ASIC2: variants seen among roughly 807,000 people sequenced by gnomAD.
The protein encoded by ASIC2 is acid-sensing ion channel 2.
Under a neutral mutation model 57.3 loss-of-function variants are expected in ASIC2, and 25 were observed. The ratio of observed to expected loss-of-function variants is 0.44; its 90% CI spans 0.32 to 0.61. ASIC2 has a LOEUF of 0.61. Among genes scored for constraint, ASIC2 ranks in the 20% least tolerant of loss-of-function variants. The probability of loss-of-function intolerance (pLI) is 0.06; values close to 1 mark genes in which losing one functional copy is unlikely to be tolerated. For missense variants in ASIC2, 641 were observed against 738.1 expected, an observed-to-expected ratio of 0.87 and a Z score of 1.52; for synonymous variants, 319 against 307.5, an observed-to-expected ratio of 1.04 and a Z score of -0.39.
chr17:33,129,309 A>G (rs947233591), intron 1 of ASIC2, among the ~76,000 whole-genome samples: 5 of 152,216 alleles, frequency 3.3e-5, no homozygotes, highest in African/African-American at 1.2e-4. Flanking sequence ...ATTAATGTTG[A>G]CAGTCAATTC....
intron 1 of ASIC2, chr17:33,834,525 G>T (rs780037053): frequency 6.6e-6 from 1 of 152,182 alleles, no homozygotes; most frequent in Admixed American, 6.6e-5. Flanking sequence ...CAGTGGCAGA[G>T]TTGTAAAGGG....
intron 1 of ASIC2, chr17:34,003,525 AC>A (rs1464924757): frequency 6.6e-6 from 1 of 152,170 alleles, no homozygotes; most frequent in Non-Finnish European, 1.5e-5. Context: ...AGTCTTCATC[AC>A]CATCATTAAC....
chr17:33,832,197 C>A (rs746968594), intron 1 of ASIC2, among the ~76,000 whole-genome samples: 9 of 152,132 alleles, frequency 5.9e-5, no homozygotes, highest in Non-Finnish European at 1.0e-4. Context: ...GTAGAAATAA[C>A]GTAGTTAAGT....
rs375991322 is a variant in ASIC2, at chr17:33,212,691, T to A, written c.708+78717A>T. On this transcript the variant is annotated intron_variant, in intron 1 of 9. Coordinates refer to ENST00000225823, the MANE Select transcript of ASIC2 (RefSeq NM_183377.2). ...AGGGCAAGAAAGGAATGGGCTGGCC[T>A]GCAGGTGTCCTTGGCTCTCTCTAAG... Among the ~76,000 whole-genome samples the A allele has an allele frequency of 1.8e-4, 27 of 152,336 alleles. No homozygotes were observed. In the South Asian group the frequency reaches 4.8e-3, roughly 27 times the overall value.
intron 1 of ASIC2, among the ~76,000 whole-genome samples, chr17:33,724,217 C>T (rs1192137018): frequency 1.3e-5 from 2 of 152,186 alleles, no homozygotes; most frequent in Non-Finnish European, 1.5e-5. Flanking sequence ...ATTACGAGGC[C>T]TCCCCAGCCA....
chr17:33,906,716 C>T (rs1279703333), intron 1 of ASIC2, among the ~76,000 whole-genome samples: 2 of 152,234 alleles, frequency 1.3e-5, no homozygotes, highest in Admixed American at 1.3e-4. Context: ...TCTTATAGGA[C>T]TCTCTACATT....
intron 1 of ASIC2, among the ~76,000 whole-genome samples, chr17:33,522,072 C>G (rs1407480854): frequency 1.3e-5 from 2 of 152,178 alleles, no homozygotes; most frequent in Non-Finnish European, 2.9e-5. Flanking sequence ...AGAGGAGCAT[C>G]CTGTCAGGAA....
intron 2 of ASIC2, among the ~76,000 whole-genome samples, chr17:33,090,751 T>C (rs1211454070): frequency 6.6e-6 from 1 of 152,000 alleles, no homozygotes; most frequent in Non-Finnish European, 1.5e-5. Context: ...GTGGGGGCTA[T>C]TGACTGAGGT....
intron 1 of ASIC2, among the ~76,000 whole-genome samples, chr17:33,372,391 A>G (rs1159036877): frequency 6.6e-6 from 1 of 152,080 alleles, no homozygotes; most frequent in Non-Finnish European, 1.5e-5. Context: ...CACCTAGGAC[A>G]TAGGATCAAA....
chr17:33,374,590 C>G (rs564714031), intron 1 of ASIC2, among the ~76,000 whole-genome samples: 7 of 152,322 alleles, frequency 4.6e-5, no homozygotes, highest in South Asian at 2.1e-4. Context: ...TAAACTCTTT[C>G]TTTACTGCAA....
chr17:33,746,927 A>G (rs1333467262), intron 1 of ASIC2, among the ~76,000 whole-genome samples: 1 of 152,220 alleles, frequency 6.6e-6, no homozygotes, highest in African/African-American at 2.4e-5. Context: ...AAAGTAAGCA[A>G]TACTCTACTG....
intron 1 of ASIC2, among the ~76,000 whole-genome samples, chr17:33,774,126 C>T (rs540762801): frequency 6.6e-6 from 1 of 152,322 alleles, no homozygotes; most frequent in Admixed American, 6.5e-5. Flanking sequence ...GGCTCTCTGG[C>T]TCCCAAGCTC....
rs578011787 is a variant in ASIC2 at position 33,524,935 on chromosome 17, GGGAGCCCAGCA to G, written c.556-412879_556-412869del. Among the ~76,000 whole-genome samples, 61 of 152,262 alleles carry G rather than the reference GGGAGCCCAGCA, an allele frequency of 4.0e-4. 1 individual carries two copies. The highest frequency in any genetic ancestry group is 1.3e-3 in the African/African-American group (53 of 41,540). ...CAGCTGAGAGTGTAGACAGTGCCTA[GGGAGCCCAGCA>G]GCTCCCTTGGGAATGTGATTCCAGG... On this transcript the variant is annotated intron_variant, in intron 1 of 9. Coordinates refer to the ASIC2 transcript ENST00000359872.
chr17:33,024,302 C>T (rs181143996), intron 5 of ASIC2, among the ~76,000 whole-genome samples: 46 of 152,304 alleles, frequency 3.0e-4, no homozygotes, highest in Admixed American at 2.5e-3. Context: ...CTTCTCATGG[C>T]TTTCTTCCCT....
At chr17:33,468,626 C>T (rs946321367) in intron 1 of ASIC2, among the ~76,000 whole-genome samples, 1 of 151,860 alleles carries the variant, frequency 6.6e-6, no homozygotes, top group Non-Finnish European at 1.5e-5. Context: ...ATTTAATCCT[C>T]ACCACAACTT....
intron 1 of ASIC2, among the ~76,000 whole-genome samples, chr17:33,690,336 A>G (rs1401474083): frequency 1.3e-5 from 2 of 152,192 alleles, no homozygotes; most frequent in African/African-American, 4.8e-5. Context: ...TTGAAGCTAG[A>G]ATTTCCAAGT....
chr17:33,052,985 G>C (rs1291057796), intron 3 of ASIC2: 1 of 152,178 alleles, frequency 6.6e-6, no homozygotes, highest in African/African-American at 2.4e-5. Context: ...CAGGAGGACA[G>C]AGACACCAGT....
chr17:33,501,120 G>T (rs1408257932), intron 1 of ASIC2, among the ~76,000 whole-genome samples: 1 of 152,252 alleles, frequency 6.6e-6, no homozygotes. Context: ...CACAGTCCCA[G>T]TGGGCCTTGT....
rs527494998 is a variant in ASIC2 at position 33,674,309 on chromosome 17, ATT to A, written c.555+481667_555+481668del. Among the ~76,000 whole-genome samples the A allele has an allele frequency of 3.9e-3, 595 of 152,164 alleles. 9 individuals carry two copies. The highest frequency in any genetic ancestry group is 0.014 in the African/African-American group (567 of 41,504). On this transcript the variant is annotated intron_variant, in intron 1 of 9. Coordinates refer to the ASIC2 transcript ENST00000359872. ...AGCGTATTACAGTTCCTTTGCAATG[ATT>A]TTTCTCCCTTCTTCCAGAAAACATA...
Sources: allele counts gnomAD v4.1 joint callset (sites outside exome capture counted in the v4.1 genomes callset), GRCh38; gene constraint gnomAD v4.1.1; transcripts MANE v1.5; gene names NCBI Gene and HGNC (gene_info 2026-07-23, HGNC 2026-07-21).